TTC34: variants seen among roughly 807,000 people sequenced by gnomAD.
TTC34 encodes the protein tetratricopeptide repeat domain 34, also known as tetratricopeptide repeat protein 34.
TTC34 carries 44 observed loss-of-function variants against 40.7 expected under a neutral mutation model. That is an observed-to-expected ratio of 1.08 (90% confidence interval 0.85 to 1.39). TTC34 has a LOEUF of 1.39. Ranked by LOEUF, TTC34 falls within the 40% of genes most tolerant of loss-of-function variation. The pLI is 0.00. For synonymous variants in TTC34, 422 were observed against 398.6 expected, an observed-to-expected ratio of 1.06 and a Z score of -0.70; for missense variants, 884 against 838.0, an observed-to-expected ratio of 1.05 and a Z score of -0.68.
rs1267457130 is a variant in TTC34, at chr1:2,692,504, C to G, written c.2227-46941G>C. 2.2e-5 allele frequency among the ~76,000 whole-genome samples: 2 copies of G among 89,364 alleles called. 1 individual carries two copies. The highest frequency in any genetic ancestry group is 4.9e-5 in the Non-Finnish European group (2 of 40,760). The allele number at this position is 89,364 out of a possible 152,430, so 58.6% of individuals were successfully genotyped here. A position where few individuals can be genotyped will look rare whatever the true frequency, so the allele number is the denominator to read the frequency against. On this transcript the variant is annotated intron_variant, in intron 6 of 8. Coordinates refer to ENST00000401095, the Ensembl canonical transcript of TTC34. ...TGACAGCCTGGAACAGCAGCCTGCA[C>G]CCCCAGGTGTGCACGTGACAGCTTG... is the stretch of plus-strand genomic sequence containing the variant.
chr1:2,691,543 C>T (rs1367387139), intron 6 of TTC34, among the ~76,000 whole-genome samples: 1 of 104,168 alleles, frequency 9.6e-6, no homozygotes, highest in Non-Finnish European at 2.3e-5. Flanking sequence ...GAACCCACAC[C>T]CCCAGGTGAG....
exon 9 of TTC34, chr1:2,640,320 C>T (rs1638876091): frequency 6.6e-6 from 1 of 152,272 alleles, no homozygotes; most frequent in Admixed American, 6.5e-5. Context: ...CTGCCTCTGC[C>T]CCACCCAGAA....
At position 2,796,822 on chromosome 1, in the gene TTC34, C is replaced by A. The variant is rs1427491945; in HGVS notation, c.784+3222G>T. On this transcript the variant is annotated intron_variant, in intron 2 of 8. Transcript: ENST00000401095. The surrounding 1 kb of genome is among the most constrained non-coding windows in gnomAD (Gnocchi z 4.5). ...ATGCTCAACATATTTGAGCATATTT[C>A]CAGAAACAAATTTTCCTGCTCACTT... is the stretch of plus-strand genomic sequence containing the variant. Among the ~76,000 whole-genome samples the A allele has an allele frequency of 1.3e-5, 2 of 149,502 alleles. No homozygotes were observed. The highest frequency in any genetic ancestry group is 2.4e-5 in the African/African-American group (1 of 41,316).
chr1:2,771,160 C>A (rs1642074027), intron 6 of TTC34, among the ~76,000 whole-genome samples: 1 of 19,132 alleles, frequency 5.2e-5, no homozygotes, highest in Non-Finnish European at 8.0e-5. Context: ...AATTCTCCAA[C>A]CCCAGGTGAG....
exon 3 of TTC34, chr1:2,789,843 C>T (rs1163372973): frequency 6.9e-6 from 3 of 432,620 alleles, no homozygotes; most frequent in Non-Finnish European, 1.2e-5. Context: ...CGCCGCGAGT[C>T]CCCGGCGTGC....
chr1:2,794,524 T>A (rs1643695201), intron 2 of TTC34, among the ~76,000 whole-genome samples: 1 of 152,224 alleles, frequency 6.6e-6, no homozygotes. Flanking sequence ...AATTTCTATA[T>A]ACATAGCTAA....
chr1:2,788,279 A>C (rs1446960723), intron 3 of TTC34, among the ~76,000 whole-genome samples: 3 of 150,774 alleles, frequency 2.0e-5, no homozygotes, highest in Non-Finnish European at 2.9e-5. Flanking sequence ...CGTTATGTAC[A>C]TGTTGTGTGT....
chr1:2,779,802 G>C (rs548597517), intron 6 of TTC34, among the ~76,000 whole-genome samples: 44 of 152,214 alleles, frequency 2.9e-4, no homozygotes, highest in African/African-American at 1.0e-3. Context: ...GGCATATCTC[G>C]TTGTTTTGAT....
At chr1:2,768,445 A>G (rs61766513) in intron 6 of TTC34, among the ~76,000 whole-genome samples, 168 of 151,486 alleles carry the variant, frequency 1.1e-3, no homozygotes, top group African/African-American at 3.9e-3. Flanking sequence ...ACAGCCTGGA[A>G]CAGAACCCCA....
At chr1:2,795,593 C>A (rs938067004) in intron 2 of TTC34, among the ~76,000 whole-genome samples, 2 of 152,202 alleles carry the variant, frequency 1.3e-5, no homozygotes, top group Non-Finnish European at 2.9e-5. Flanking sequence ...TCTACTGGTC[C>A]CAGCAAGGCA....
intron 6 of TTC34, among the ~76,000 whole-genome samples, chr1:2,779,878 C>CT (rs1413213648): frequency 6.6e-6 from 1 of 152,090 alleles, no homozygotes; most frequent in Admixed American, 6.6e-5. Flanking sequence ...ATTTGTATAT[C>CT]TTTTTTTGAG....
chr1:2,783,779 C>A lies in TTC34; in HGVS notation c.2060-4G>T. 6.7e-7 allele frequency: 1 copy of A among 1,491,816 alleles called. No homozygotes were observed. The allele number at this position is 1,491,816 out of a possible 1,614,324, so 92.4% of individuals were successfully genotyped here. On this transcript the variant is annotated splice_region_variant and splice_polypyrimidine_tract_variant and intron_variant, in intron 5 of 8. Coordinates refer to ENST00000401095, the Ensembl canonical transcript of TTC34. The stretch of plus-strand genomic sequence containing the variant: ...AGGGACTCACTTGCCTGGCTTCCTG[C>A]AGGAAGACGGCATGGGGTCAGGATG...
At chr1:2,688,146 C>G (rs1452857658) in intron 6 of TTC34, among the ~76,000 whole-genome samples, 304 of 136,748 alleles carry the variant, frequency 2.2e-3, no homozygotes, top group African/African-American at 8.0e-3. Context: ...GAGCATCTGA[C>G]GGCCTGGAAG....
chr1:2,759,197 C>A (rs1444539798), intron 6 of TTC34, among the ~76,000 whole-genome samples: 364 of 36,814 alleles, frequency 9.9e-3, no homozygotes, highest in East Asian at 0.027. Flanking sequence ...GCACCCACAC[C>A]CCCAGGTAAG....
chr1:2,647,773 ATGCT>A (rs1389776427), intron 6 of TTC34, among the ~76,000 whole-genome samples: 2 of 152,196 alleles, frequency 1.3e-5, no homozygotes, highest in Non-Finnish European at 2.9e-5. Context: ...GTGAGCCATG[ATGCT>A]CAGCTCAGCT....
Position 2,796,691 on chromosome 1 carries a change from G to C in TTC34, c.784+3353C>G, listed in dbSNP as rs949867678. 2.6e-5 allele frequency among the ~76,000 whole-genome samples: 4 copies of C among 152,160 alleles called. No individual in the cohort carries two copies. The highest frequency in any genetic ancestry group is 1.3e-4 in the Admixed American group (2 of 15,284). On this transcript the variant is annotated intron_variant, in intron 2 of 8. Coordinates refer to ENST00000401095, the Ensembl canonical transcript of TTC34. This position sits in a 1 kb window ranked among gnomAD's most constrained non-coding sequence, Gnocchi z 4.5. Reference sequence around the variant, plus strand: ...CCCTCCTGGAGCCCCCTTGCTGTGGGCATGGTCCTCACCAGCCCCTGAGTG... The same window carrying C: ...CCCTCCTGGAGCCCCCTTGCTGTGGCCATGGTCCTCACCAGCCCCTGAGTG...
At chr1:2,683,954 C>T (rs1409535220) in intron 6 of TTC34, among the ~76,000 whole-genome samples, 5 of 138,896 alleles carry the variant, frequency 3.6e-5, no homozygotes, top group South Asian at 4.4e-4. Context: ...GTACCCACAC[C>T]CACAGTTGAG....
chr1:2,756,552 G>A lies in TTC34; in HGVS notation c.2226+27057C>T, dbSNP rs1641512030. 2.0e-5 allele frequency among the ~76,000 whole-genome samples: 3 copies of A among 152,070 alleles called. No homozygotes were observed. The East Asian group carries it at 5.8e-4, about 29-fold the overall frequency. ...AGCCTGGAGCAGCACCCACACTCCA[G>A]GTGAGCATCTGACAGCCTGAAGCAG... On this transcript the variant is annotated intron_variant, in intron 6 of 8. Transcript: ENST00000401095.
At chr1:2,686,764 C>A (rs1466621461) in intron 6 of TTC34, among the ~76,000 whole-genome samples, 4 of 146,192 alleles carry the variant, frequency 2.7e-5, no homozygotes, top group African/African-American at 1.0e-4. Context: ...CACCCACACC[C>A]CCAGGTGAGC....
Sources: allele counts gnomAD v4.1 joint callset (sites outside exome capture counted in the v4.1 genomes callset), GRCh38; gene constraint gnomAD v4.1.1; non-coding constraint Gnocchi (gnomAD v3.1); transcripts MANE v1.5; gene names NCBI Gene and HGNC (gene_info 2026-07-23, HGNC 2026-07-21).